Variants in DENND2B observed in about 807,000 individuals in gnomAD.
The protein encoded by DENND2B is DENN domain containing 2B.
DENND2B carries 32 observed loss-of-function variants against 116.0 expected under a neutral mutation model. The ratio of observed to expected loss-of-function variants is 0.28; its 90% CI spans 0.21 to 0.37. The LOEUF (loss-of-function observed/expected upper bound fraction) is 0.37. DENND2B is among the 10% of genes least tolerant of loss of function. DENND2B has a pLI of 1.00. For missense variants in DENND2B, 1,276 were observed against 1,477.7 expected (o/e 0.86, Z 2.24); for synonymous variants, 588 against 583.9 (o/e 1.01, Z -0.10).
chr11:8,851,435 G>A (rs1038003436), intron 3 of DENND2B, among the ~76,000 whole-genome samples: 1 of 152,114 alleles, frequency 6.6e-6, no homozygotes, highest in African/African-American at 2.4e-5. Flanking sequence ...AATTAAAACA[G>A]AAATGCAATA....
intron 1 of DENND2B, among the ~76,000 whole-genome samples, chr11:8,779,775 G>A (rs1023899342): frequency 1.3e-5 from 2 of 152,064 alleles, no homozygotes; most frequent in African/African-American, 4.8e-5. Flanking sequence ...TCAGCCTCCC[G>A]AAGTGCTCGG....
At chr11:8,774,621 C>T (rs1235852515) in intron 1 of DENND2B, among the ~76,000 whole-genome samples, 4 of 152,138 alleles carry the variant, frequency 2.6e-5, no homozygotes, top group African/African-American at 4.8e-5. Flanking sequence ...CCCATCCTGG[C>T]CCCACATGAA....
At chr11:8,738,244 C>A (rs2049466034) in intron 2 of DENND2B, among the ~76,000 whole-genome samples, 1 of 152,194 alleles carries the variant, frequency 6.6e-6, no homozygotes, top group African/African-American at 2.4e-5. Flanking sequence ...ACAGTCTCGT[C>A]CCTATGCTGC....
chr11:8,694,333 C>A (rs1406762400), intron 19 of DENND2B, among the ~76,000 whole-genome samples: 3 of 152,164 alleles, frequency 2.0e-5, no homozygotes, highest in Non-Finnish European at 4.4e-5. Flanking sequence ...TGGTTTTACG[C>A]AAGCCACTTA....
chr11:8,878,879 C>T (rs766966988), intron 2 of DENND2B, among the ~76,000 whole-genome samples: 70 of 151,960 alleles, frequency 4.6e-4, no homozygotes, highest in African/African-American at 1.5e-3. Context: ...GCCAGGGCTC[C>T]GGGGGAGAAA....
intron 3 of DENND2B, among the ~76,000 whole-genome samples, chr11:8,848,935 C>T (rs1486670935): frequency 4.0e-5 from 6 of 151,544 alleles, no homozygotes; most frequent in Non-Finnish European, 1.5e-5. Flanking sequence ...AGGGTTTATC[C>T]AGGGAAATAT....
intron 1 of DENND2B, among the ~76,000 whole-genome samples, chr11:8,891,538 G>A (rs7938521): frequency 0.49 from 73,710 of 151,780 alleles, 18,511 homozygotes; most frequent in Middle Eastern, 0.69. Context: ...ATAAAGGGAT[G>A]GAGGAAGATC....
chr11:8,825,316 A>C (rs2061936025), intron 4 of DENND2B, among the ~76,000 whole-genome samples: 1 of 151,454 alleles, frequency 6.6e-6, no homozygotes, highest in African/African-American at 2.4e-5. Context: ...GGCCACATGT[A>C]TGTCTTCTTT....
chr11:8,720,820 T>A (rs1185441494), intron 4 of DENND2B, among the ~76,000 whole-genome samples: 1 of 152,072 alleles, frequency 6.6e-6, no homozygotes, highest in Non-Finnish European at 1.5e-5. Context: ...CAAATAAGTA[T>A]CAAAGGAATG....
intron 18 of DENND2B, 135 bp downstream of exon 18, chr11:8,696,292 G>A: frequency 7.5e-7 from 1 of 1,340,886 alleles, no homozygotes; most frequent in Non-Finnish European, 1.0e-6. Context: ...CTACCTTGAA[G>A]TTTCTAACAG....
At chr11:8,710,788 C>T in intron 11 of DENND2B, 57 bp downstream of exon 11, 2 of 1,484,978 alleles carry the variant, frequency 1.3e-6, no homozygotes, top group Non-Finnish European at 1.9e-6. Flanking sequence ...CACACACACA[C>T]ACACACCCTG....
At chr11:8,883,322 T>G (rs970862831) in intron 1 of DENND2B, among the ~76,000 whole-genome samples, 4 of 152,150 alleles carry the variant, frequency 2.6e-5, no homozygotes, top group African/African-American at 9.7e-5. Context: ...GTCAAGTGAT[T>G]AAAGAGTGAA....
At chr11:8,764,550 G>A (rs2055276025) in intron 1 of DENND2B, among the ~76,000 whole-genome samples, 1 of 152,186 alleles carries the variant, frequency 6.6e-6, no homozygotes, top group Non-Finnish European at 1.5e-5. Flanking sequence ...GTCTGGAGAG[G>A]TTGGCATGAG....
intron 1 of DENND2B, among the ~76,000 whole-genome samples, chr11:8,893,909 T>C (rs569266445): frequency 7.2e-5 from 11 of 152,100 alleles, no homozygotes; most frequent in African/African-American, 2.6e-4. Flanking sequence ...GTAAAGTTCA[T>C]ATGGAACCAA....
At chr11:8,875,253 G>A (rs1467419325), upstream of DENND2B, among the ~76,000 whole-genome samples, 4 of 151,048 alleles carry the variant, frequency 2.6e-5, no homozygotes. Context: ...AATCCAGGAG[G>A]CAGAGCTTGC....
At chr11:8,745,016 C>T (rs542219350) in intron 2 of DENND2B, among the ~76,000 whole-genome samples, 1 of 151,766 alleles carries the variant, frequency 6.6e-6, no homozygotes, top group South Asian at 2.1e-4. Context: ...CTCCCAGGCT[C>T]AAGAATCCTC....
chr11:8,872,812 G>GCCAAAAATCAGCACAGGTTTTACT (rs1307680916), upstream of DENND2B, among the ~76,000 whole-genome samples: 1 of 152,090 alleles, frequency 6.6e-6, no homozygotes, highest in Admixed American at 6.6e-5. Context: ...AAACACAAAG[G>GCCAAAAATCAGCACAGGTTTTACT]CCAAAAATCA....
At chr11:8,754,846 G>GAGCT (rs902183542) in intron 1 of DENND2B, among the ~76,000 whole-genome samples, 18 of 152,204 alleles carry the variant, frequency 1.2e-4, no homozygotes, top group African/African-American at 3.9e-4. Context: ...AGTAAACTAG[G>GAGCT]AGCTGCCTAG....
At chr11:8,826,627 C>T (rs1188149982) in intron 4 of DENND2B, among the ~76,000 whole-genome samples, 1 of 152,114 alleles carries the variant, frequency 6.6e-6, no homozygotes, top group Non-Finnish European at 1.5e-5. Context: ...ACATGGAAGG[C>T]GGCCCTGATC....
Sources: allele counts gnomAD v4.1 joint callset (sites outside exome capture counted in the v4.1 genomes callset), GRCh38; gene constraint gnomAD v4.1.1; transcripts MANE v1.5; gene names NCBI Gene and HGNC (gene_info 2026-07-23, HGNC 2026-07-21).